MRAS: variants seen among roughly 807,000 people sequenced by gnomAD.
MRAS encodes ras-related protein M-Ras.
In MRAS, 4 loss-of-function variants were observed where a neutral mutation model predicts 20.9. The observed-to-expected ratio is 0.19, with a 90% CI of 0.09 to 0.44. The LOEUF (loss-of-function observed/expected upper bound fraction) is 0.44, where lower values mean the gene tolerates loss of function less well. MRAS is among the 20% of genes least tolerant of loss of function. The pLI is 0.99. For synonymous variants in MRAS, 98 were observed against 102.9 expected, an observed-to-expected ratio of 0.95 and a Z score of 0.29; for missense variants, 154 against 277.5, an observed-to-expected ratio of 0.56 and a Z score of 3.16.
At chr3:138,352,659 A>G (rs943398235) in intron 1 of MRAS, among the ~76,000 whole-genome samples, 3 of 152,078 alleles carry the variant, frequency 2.0e-5, no homozygotes, top group East Asian at 3.9e-4. Flanking sequence ...TGAGTCTCAG[A>G]GGGGTATAGT....
intron 2 of MRAS, among the ~76,000 whole-genome samples, chr3:138,380,950 A>G (rs1214610786): frequency 2.0e-5 from 3 of 151,370 alleles, no homozygotes; most frequent in East Asian, 2.0e-4. Flanking sequence ...TTGTATTTTT[A>G]GTAGAGACTG....
At chr3:138,368,261 TGAGA>T (rs923240287) in intron 1 of MRAS, among the ~76,000 whole-genome samples, 9 of 152,126 alleles carry the variant, frequency 5.9e-5, no homozygotes, top group Admixed American at 3.3e-4. Context: ...AGGCTGGGAA[TGAGA>T]GAGAGTGTGT....
intron 1 of MRAS, among the ~76,000 whole-genome samples, chr3:138,358,334 C>CTCA (rs56330132): frequency 0.23 from 30,842 of 136,926 alleles, 3,400 homozygotes; most frequent in African/African-American, 0.31. Context: ...AAGACTCTCT[C>CTCA]AAAAAAAAAA....
chr3:138,383,870 CAAGGT>C, intron 2 of MRAS, among the ~76,000 whole-genome samples: 1 of 152,234 alleles, frequency 6.6e-6, no homozygotes, highest in South Asian at 2.1e-4. Context: ...GAAGGTCAGA[CAAGGT>C]AAGGGAGTCA....
chr3:138,371,803 G>A (rs1459783846), intron 1 of MRAS, among the ~76,000 whole-genome samples: 2 of 111,658 alleles, frequency 1.8e-5, no homozygotes, highest in Non-Finnish European at 3.9e-5. Context: ...ATTTGGTGCT[G>A]TCAGCCTCCT....
intron 5 of MRAS, among the ~76,000 whole-genome samples, chr3:138,401,818 A>C (rs1267150084): frequency 2.0e-5 from 3 of 152,228 alleles, no homozygotes; most frequent in Admixed American, 2.0e-4. Flanking sequence ...TATTTAAACT[A>C]TGAAACACAG....
chr3:138,351,854 G>A (rs1267854761), intron 1 of MRAS, among the ~76,000 whole-genome samples: 6 of 152,158 alleles, frequency 3.9e-5, no homozygotes, highest in African/African-American at 1.2e-4. Flanking sequence ...CCCAGGGAAC[G>A]TTGATGTACA....
chr3:138,354,498 G>A (rs537931984), intron 1 of MRAS, among the ~76,000 whole-genome samples: 2 of 152,256 alleles, frequency 1.3e-5, no homozygotes. Flanking sequence ...ATGCCAGTGG[G>A]CCTCCCTAGA....
intron 5 of MRAS, 62 bp downstream of exon 5, chr3:138,400,675 C>A: frequency 7.1e-7 from 1 of 1,418,368 alleles, no homozygotes; most frequent in Non-Finnish European, 9.9e-7. Flanking sequence ...CTGGAGGCAG[C>A]TGGGAGCTTG....
intron 1 of MRAS, among the ~76,000 whole-genome samples, chr3:138,364,754 G>A (rs2054526375): frequency 6.6e-6 from 1 of 152,256 alleles, no homozygotes; most frequent in Admixed American, 6.5e-5. Flanking sequence ...TGGTCAGCAA[G>A]CTGTCCCAGC....
At chr3:138,356,897 T>TC (rs1238029860) in intron 1 of MRAS, among the ~76,000 whole-genome samples, 13 of 151,990 alleles carry the variant, frequency 8.6e-5, no homozygotes, top group Admixed American at 6.6e-5. Context: ...ACTGACCCCG[T>TC]CCCCCCGTCC....
chr3:138,363,681 T>A (rs2054497573), intron 1 of MRAS, among the ~76,000 whole-genome samples: 1 of 152,244 alleles, frequency 6.6e-6, no homozygotes, highest in Non-Finnish European at 1.5e-5. Context: ...TGTGTGTGTC[T>A]TGAGAGGAGC....
chr3:138,395,952 G>T (rs1259534561), intron 2 of MRAS, among the ~76,000 whole-genome samples: 1 of 152,236 alleles, frequency 6.6e-6, no homozygotes, highest in Non-Finnish European at 1.5e-5. Flanking sequence ...CAGACCTGCC[G>T]TTACCCCTGG....
intron 2 of MRAS, among the ~76,000 whole-genome samples, chr3:138,384,581 T>C (rs1037049032): frequency 6.6e-6 from 1 of 152,156 alleles, no homozygotes; most frequent in African/African-American, 2.4e-5. Context: ...ATTTTGGACG[T>C]GTTAAATCCA....
intron 2 of MRAS, among the ~76,000 whole-genome samples, chr3:138,396,006 G>A (rs2055228216): frequency 1.3e-5 from 2 of 152,238 alleles, no homozygotes. Flanking sequence ...CTGGCCAGAA[G>A]TGTTCCCGGA....
chr3:138,403,036 A>G lies in MRAS; in HGVS notation c.*767A>G. On this transcript the variant is annotated 3_prime_UTR_variant, in exon 6 of 6. Coordinates refer to ENST00000423968, the MANE Select transcript of MRAS (RefSeq NM_001085049.3). ...GTTGGGGATGCAAATATTAGAAAAC[A>G]GATTGTATTTTGCTGAGGGGAGTGG... 1 of 152,326 alleles carries G rather than the reference A, an allele frequency of 6.6e-6. No homozygotes were observed. Among genetic ancestry groups the G allele is most frequent in the East Asian group, 1.9e-4 (1 of 5,192 alleles). The allele number at this position is 152,326 out of a possible 1,614,324, so 9.4% of individuals were successfully genotyped here. A position where few individuals can be genotyped will look rare whatever the true frequency, so the allele number is the denominator to read the frequency against.
intron 1 of MRAS, among the ~76,000 whole-genome samples, chr3:138,372,665 A>G (rs2108519673): frequency 6.6e-6 from 1 of 152,338 alleles, no homozygotes; most frequent in South Asian, 2.1e-4. Flanking sequence ...TGAATAAATG[A>G]TGGTTGAATA....
At chr3:138,381,976 G>A (rs1413521348) in intron 2 of MRAS, among the ~76,000 whole-genome samples, 1 of 152,168 alleles carries the variant, frequency 6.6e-6, no homozygotes, top group Non-Finnish European at 1.5e-5. Flanking sequence ...TGCTCAGCAG[G>A]CCTTAGGCCA....
chr3:138,381,048 C>T (rs536384528), intron 2 of MRAS, among the ~76,000 whole-genome samples: 29 of 151,940 alleles, frequency 1.9e-4, no homozygotes, highest in African/African-American at 6.8e-4. Context: ...GTTGGGTTTA[C>T]AGGCATGAGC....
Sources: gnomAD v4.1 joint callset for allele counts (sites outside exome capture counted in the v4.1 genomes callset) on GRCh38, gnomAD v4.1.1 for gene constraint, MANE v1.5 for transcripts, NCBI Gene and HGNC (gene_info 2026-07-23, HGNC 2026-07-21) for gene names.